The following EPB41L2 variants were observed in gnomAD, a reference collection of about 807,000 sequenced individuals.
EPB41L2 encodes band 4.1-like protein 2.
EPB41L2 carries 43 observed loss-of-function variants against 113.0 expected under a neutral mutation model. The ratio of observed to expected loss-of-function variants is 0.38; its 90% CI spans 0.30 to 0.49. EPB41L2 has a LOEUF of 0.49. Among genes scored for constraint, EPB41L2 ranks in the 20% least tolerant of loss-of-function variants. The pLI is 0.95. For synonymous variants in EPB41L2, 442 were observed against 436.7 expected (o/e 1.01, Z -0.15); for missense variants, 1,147 against 1,223.4 (o/e 0.94, Z 0.93).
intron 9 of EPB41L2, 27 bp downstream of exon 9, chr6:130,894,940 C>T (rs758485819): frequency 6.2e-6 from 10 of 1,600,264 alleles, no homozygotes; most frequent in Middle Eastern, 1.7e-4. Context: ...CGACTAACAA[C>T]AACTGATTAG....
chr6:131,010,706 C>T (rs1272635642), intron 1 of EPB41L2, among the ~76,000 whole-genome samples: 1 of 152,184 alleles, frequency 6.6e-6, no homozygotes, highest in East Asian at 1.9e-4. Flanking sequence ...AGCCACTGCA[C>T]CTGGCCAGAA....
chr6:131,051,566 T>A (rs182223383), intron 1 of EPB41L2, among the ~76,000 whole-genome samples: 4 of 151,718 alleles, frequency 2.6e-5, no homozygotes, highest in African/African-American at 7.3e-5. Flanking sequence ...ACAAAGTAAC[T>A]GACTTAGCAG....
rs542002539 is a variant in EPB41L2, at chr6:130,970,972, G to A, written c.-14-14473C>T. On this transcript the variant is annotated intron_variant, in intron 1 of 19. Transcript: ENST00000337057. ...CACACTCATGGCTCACTGCAGCCTCGACCTCCTGGGCTCAAACAATCCTCC... is the reference window on the plus strand; with the variant it reads ...CACACTCATGGCTCACTGCAGCCTCAACCTCCTGGGCTCAAACAATCCTCC... Among the ~76,000 whole-genome samples the A allele has an allele frequency of 8.5e-5, 13 of 152,110 alleles. No homozygotes were observed. The East Asian group carries it at 1.2e-3, about 14-fold the overall frequency.
intron 14 of EPB41L2, among the ~76,000 whole-genome samples, chr6:130,874,261 ATT>A (rs574814492): frequency 7.1e-4 from 105 of 147,582 alleles, no homozygotes; most frequent in African/African-American, 2.5e-3. Flanking sequence ...AATGCAATGT[ATT>A]TTTTTTTTTT....
rs1381673295 is a variant in EPB41L2 at position 130,870,115 on chromosome 6, C to T, written c.2055G>A (p.Glu685=). The stretch of plus-strand genomic sequence containing the variant: ...TCTTCTCCTCCACTATATTCAGAGT[C>T]TCATGTGAACTCTGTACAAAAAAAG... ...LSLQTQGSSH[E]TLNIVEEKKR... is the part of the protein sequence containing the mutation. The change falls in exon 15 of 20, where the codon GAG becomes GAA. Residue 685 remains glutamate (E), a synonymous_variant. Coordinates refer to ENST00000337057, the MANE Select transcript of EPB41L2 (RefSeq NM_001431.4). The T allele has an allele frequency of 6.3e-7, 1 of 1,599,134 alleles. No individual in the cohort carries two copies. Among genetic ancestry groups the T allele is most frequent in the Admixed American group, 1.7e-5 (1 of 57,746 alleles).
intron 3 of EPB41L2, among the ~76,000 whole-genome samples, chr6:130,935,290 A>C (rs1808409592): frequency 6.6e-6 from 1 of 152,194 alleles, no homozygotes; most frequent in African/African-American, 2.4e-5. Flanking sequence ...ATAAAATCAC[A>C]TAGATACTTT....
intron 1 of EPB41L2, among the ~76,000 whole-genome samples, chr6:130,987,695 AAATGAATGAATGAATGAATG>A (rs3031721): frequency 1.3e-5 from 2 of 148,208 alleles, no homozygotes; most frequent in Admixed American, 6.7e-5. Flanking sequence ...TCTGTCTCAT[AAATGAATGAATGAATGAATG>A]AATGAATGAA....
chr6:130,953,844 G>A (rs1156941189), intron 3 of EPB41L2, among the ~76,000 whole-genome samples: 1 of 151,768 alleles, frequency 6.6e-6, no homozygotes, highest in Non-Finnish European at 1.5e-5. Flanking sequence ...GGGCCATCCT[G>A]GAAGCAGAGA....
rs757882118 is a variant in EPB41L2 at position 130,895,017 on chromosome 6, T to G, written c.1339A>C (p.Lys447Gln). Residue 447 changes from lysine (K) to glutamine (Q), a missense_variant, in exon 9 of 20, where the codon AAA becomes CAA. By Grantham distance (53) the Lys-to-Gln change is moderately conservative. Coordinates refer to ENST00000337057, the MANE Select transcript of EPB41L2 (RefSeq NM_001431.4). ...INRFAWPKIL[K>Q]ISYKRSNFYI... Reference sequence around the variant, plus strand: ...AAGTTACTGCGTTTATAGGAAATTTTTAAGATTTTCGGCCAAGCAAAACGA... The same window carrying G: ...AAGTTACTGCGTTTATAGGAAATTTGTAAGATTTTCGGCCAAGCAAAACGA... 2 of 1,614,052 alleles carry G rather than the reference T, an allele frequency of 1.2e-6. No individual in the cohort carries two copies. Among genetic ancestry groups the G allele is most frequent in the South Asian group, 2.2e-5 (2 of 91,074 alleles).
intron 18 of EPB41L2, among the ~76,000 whole-genome samples, chr6:130,862,624 G>C (rs1782506572): frequency 6.6e-6 from 1 of 152,098 alleles, no homozygotes; most frequent in Admixed American, 6.5e-5. Context: ...CCAGAGTCAA[G>C]GCAACCTTTT....
intron 18 of EPB41L2, 46 bp downstream of exon 18, chr6:130,863,592 G>T (rs1782820323): frequency 1.5e-6 from 2 of 1,367,590 alleles, no homozygotes; most frequent in Non-Finnish European, 2.1e-6. Context: ...GTGAAACTTA[G>T]AAAACAAACA....
At chr6:131,060,836 AT>A (rs975576536) in intron 1 of EPB41L2, among the ~76,000 whole-genome samples, 1 of 152,112 alleles carries the variant, frequency 6.6e-6, no homozygotes. Context: ...CCTAAATTAA[AT>A]TTGCTTCTTT....
intron 1 of EPB41L2, among the ~76,000 whole-genome samples, chr6:130,996,818 A>T (rs1174656997): frequency 6.6e-6 from 1 of 152,222 alleles, no homozygotes; most frequent in Non-Finnish European, 1.5e-5. Flanking sequence ...GGGTACCTGG[A>T]AATTTTGCTT....
chr6:131,044,274 C>A (rs1795007733), intron 1 of EPB41L2, among the ~76,000 whole-genome samples: 1 of 151,930 alleles, frequency 6.6e-6, no homozygotes, highest in African/African-American at 2.4e-5. Flanking sequence ...GATCCTCTGG[C>A]ATCAGCCTCC....
At position 130,955,149 on chromosome 6, in the gene EPB41L2, T is replaced by G; in HGVS notation, c.661A>C (p.Lys221Gln). ...TCGGTGCCATCTAAGAGGGTCACTT[T>G]ACACTGGACAGTTTTGGTCTTCTTG... ...VTKKTKTVQC[K>Q]VTLLDGTEYS... is the part of the protein sequence containing the mutation. Residue 221 changes from lysine to glutamine, a missense_variant, in exon 3 of 20, where the codon AAA becomes CAA. Transcript: ENST00000337057. 1 of 1,614,204 alleles carries G rather than the reference T, an allele frequency of 6.2e-7. No homozygotes were observed.
chr6:130,976,022 C>T (rs974575750), intron 1 of EPB41L2, among the ~76,000 whole-genome samples: 10 of 152,068 alleles, frequency 6.6e-5, no homozygotes, highest in Non-Finnish European at 1.3e-4. Flanking sequence ...AGCAAGACTC[C>T]GTCTCAAAAA....
chr6:130,926,943 C>T (rs773138057), intron 3 of EPB41L2, among the ~76,000 whole-genome samples: 11 of 152,182 alleles, frequency 7.2e-5, no homozygotes, highest in Non-Finnish European at 1.2e-4. Flanking sequence ...GTCTGCTTTA[C>T]TGCTACTCAA....
chr6:130,892,857 T>G (rs1050193467), intron 10 of EPB41L2, among the ~76,000 whole-genome samples: 6 of 152,176 alleles, frequency 3.9e-5, no homozygotes, highest in Admixed American at 6.5e-5. Flanking sequence ...TAGATACTAG[T>G]ATTACTATCA....
At chr6:130,900,180 T>C (rs990514161) in intron 7 of EPB41L2, among the ~76,000 whole-genome samples, 2 of 152,218 alleles carry the variant, frequency 1.3e-5, no homozygotes, top group South Asian at 4.1e-4. Context: ...AACAAATGTC[T>C]ATTGAGTAGA....
Sources: gnomAD v4.1 joint callset for allele counts (sites outside exome capture counted in the v4.1 genomes callset) on GRCh38, gnomAD v4.1.1 for gene constraint, MANE v1.5 for transcripts, NCBI Gene and HGNC (gene_info 2026-07-23, HGNC 2026-07-21) for gene names.